The following TRAF3IP1 variants were observed in gnomAD, a reference collection of about 807,000 sequenced individuals.
TRAF3IP1 encodes the protein intraflagellar transport 54, also known as TRAF3-interacting protein 1.
Under a neutral mutation model 89.9 loss-of-function variants are expected in TRAF3IP1, and 53 were observed. The observed-to-expected ratio is 0.59, with a 90% CI of 0.47 to 0.74. The LOEUF (loss-of-function observed/expected upper bound fraction) is 0.74, where lower values mean the gene tolerates loss of function less well. Ranked by LOEUF, TRAF3IP1 falls within the 30% of genes least tolerant of loss-of-function variation. The pLI, the probability that TRAF3IP1 is intolerant of heterozygous loss-of-function variation, is 0.00. For synonymous variants in TRAF3IP1, 311 were observed against 322.1 expected, an observed-to-expected ratio of 0.97 and a Z score of 0.37; for missense variants, 806 against 866.1, an observed-to-expected ratio of 0.93 and a Z score of 0.87.
intron 15 of TRAF3IP1, among the ~76,000 whole-genome samples, chr2:238,387,606 A>G (rs188154440): frequency 5.4e-4 from 82 of 152,302 alleles, no homozygotes; most frequent in Non-Finnish European, 3.8e-4. Context: ...GCTCATCTCT[A>G]TTGGGACATA....
intron 15 of TRAF3IP1, among the ~76,000 whole-genome samples, chr2:238,369,416 A>G (rs1449670180): frequency 6.6e-6 from 1 of 152,202 alleles, no homozygotes. Context: ...TTTTTGTTGC[A>G]GAAGCATCCA....
intron 15 of TRAF3IP1, among the ~76,000 whole-genome samples, chr2:238,390,712 T>TAC (rs1700959457): frequency 6.6e-6 from 1 of 152,220 alleles, no homozygotes; most frequent in Non-Finnish European, 1.5e-5. Context: ...CTGCTTACTT[T>TAC]ATATTATCCC....
At chr2:238,347,418 A>G (rs771442870) in intron 9 of TRAF3IP1, 37 bp from the exon 10 acceptor site, 27 of 1,613,166 alleles carry the variant, frequency 1.7e-5, no homozygotes, top group South Asian at 5.5e-5. Context: ...GAGGTTGACT[A>G]CACGAAAGCT....
intron 15 of TRAF3IP1, among the ~76,000 whole-genome samples, chr2:238,362,549 A>C (rs1383857277): frequency 6.6e-6 from 1 of 152,214 alleles, no homozygotes; most frequent in Non-Finnish European, 1.5e-5. Flanking sequence ...GCTTCCAGCC[A>C]GCAAGAGGGA....
At position 238,329,423 on chromosome 2, in the gene TRAF3IP1, A is replaced by G. The variant is rs1559356483; in HGVS notation, c.915+81A>G. 5.6e-6 allele frequency: 7 copies of G among 1,240,734 alleles called. No homozygotes were observed. In the East Asian group the frequency reaches 1.1e-4, roughly 20 times the overall value. 76.9% of individuals were successfully genotyped at this position (1,240,734 alleles called of 1,614,324 possible). On this transcript the variant is annotated intron_variant, in intron 5 of 16. Coordinates refer to ENST00000373327, the MANE Select transcript of TRAF3IP1 (RefSeq NM_015650.4). ...AAACATGATTTTTACCTTTCTTACAATATGACTAGGAAACTGGTTTTCTTT... is the reference window on the plus strand; with the variant it reads ...AAACATGATTTTTACCTTTCTTACAGTATGACTAGGAAACTGGTTTTCTTT...
intron 15 of TRAF3IP1, among the ~76,000 whole-genome samples, chr2:238,358,034 C>G (rs1243736789): frequency 6.6e-6 from 1 of 151,834 alleles, no homozygotes; most frequent in Non-Finnish European, 1.5e-5. Flanking sequence ...CAGCAAGTGT[C>G]TGTATGATTT....
intron 15 of TRAF3IP1, among the ~76,000 whole-genome samples, chr2:238,387,593 C>T (rs1394958923): frequency 6.6e-6 from 1 of 152,178 alleles, no homozygotes; most frequent in Non-Finnish European, 1.5e-5. Flanking sequence ...CCGACAGTCA[C>T]GTGCTCATCT....
Position 238,346,464 on chromosome 2 carries a change from G to T in TRAF3IP1, c.1262-991G>T, listed in dbSNP as rs148817150. 3.5e-3 allele frequency among the ~76,000 whole-genome samples: 539 copies of T among 152,188 alleles called. 4 individuals carry two copies. The highest frequency in any genetic ancestry group is 0.013 in the African/African-American group (524 of 41,526). On this transcript the variant is annotated intron_variant, in intron 9 of 16. Coordinates refer to ENST00000373327, the MANE Select transcript of TRAF3IP1 (RefSeq NM_015650.4). ...CTAATAGAGTCCTCTAGAGCCTCCC[G>T]GTTCCCCTTGATCCACAAGCTTGGC... is the stretch of plus-strand genomic sequence containing the variant.
At position 238,341,785 on chromosome 2, in the gene TRAF3IP1, C is replaced by T. The variant is rs191666860; in HGVS notation, c.1160-2712C>T. Among the ~76,000 whole-genome samples the T allele has an allele frequency of 2.0e-5, 3 of 152,180 alleles. No individual in the cohort carries two copies. The East Asian group carries it at 5.8e-4, about 29-fold the overall frequency. On this transcript the variant is annotated intron_variant, in intron 8 of 16. Coordinates refer to ENST00000373327, the MANE Select transcript of TRAF3IP1 (RefSeq NM_015650.4). Reference sequence around the variant, plus strand: ...TGTGAGGCGGGGCAAACTGGGCAAACTGCGGCTCAGGAAGGCTGAGGGACC... The same window carrying T: ...TGTGAGGCGGGGCAAACTGGGCAAATTGCGGCTCAGGAAGGCTGAGGGACC...
chr2:238,357,517 A>G (rs1157961605), intron 15 of TRAF3IP1, among the ~76,000 whole-genome samples: 2 of 152,216 alleles, frequency 1.3e-5, no homozygotes, highest in African/African-American at 2.4e-5. Flanking sequence ...GAAATAGCCA[A>G]TGAGAACTGT....
At chr2:238,358,592 C>G (rs1281958648) in intron 15 of TRAF3IP1, among the ~76,000 whole-genome samples, 2 of 152,176 alleles carry the variant, frequency 1.3e-5, no homozygotes, top group Admixed American at 1.3e-4. Flanking sequence ...TCCTGTTCCC[C>G]CGAGGGCAGT....
At chr2:238,372,672 G>T (rs924449953) in intron 15 of TRAF3IP1, among the ~76,000 whole-genome samples, 1 of 152,164 alleles carries the variant, frequency 6.6e-6, no homozygotes, top group South Asian at 2.1e-4. Flanking sequence ...GGGTCAAATG[G>T]TAATTCTAGT....
chr2:238,350,228 A>G (rs1212122812), intron 12 of TRAF3IP1, among the ~76,000 whole-genome samples: 3 of 152,126 alleles, frequency 2.0e-5, no homozygotes, highest in Admixed American at 2.0e-4. Flanking sequence ...AAGACTAGAA[A>G]GTGGGAAAGG....
chr2:238,397,513 G>A lies in TRAF3IP1; in HGVS notation c.1744G>A (p.Glu582Lys). Residue 582 changes from glutamate to lysine, a missense_variant, in exon 16 of 17, where the codon GAG becomes AAG. Physicochemically the swap from Glu to Lys is moderately conservative, Grantham distance 56. Coordinates refer to ENST00000373327, the MANE Select transcript of TRAF3IP1 (RefSeq NM_015650.4). Reference protein sequence around the residue: ...WKKEKDIVSKEIEKLRTSIQT... With the variant: ...WKKEKDIVSKKIEKLRTSIQT... ...GAAGGAGAAGGACATCGTTTCCAAGGAGATAGAGAAGCTCCGCACGTCCAT... is the reference window on the plus strand; with the variant it reads ...GAAGGAGAAGGACATCGTTTCCAAGAAGATAGAGAAGCTCCGCACGTCCAT... 1.2e-6 allele frequency: 2 copies of A among 1,613,114 alleles called. No individual in the cohort carries two copies. Among genetic ancestry groups the A allele is most frequent in the Admixed American group, 1.7e-5 (1 of 60,018 alleles).
intron 15 of TRAF3IP1, among the ~76,000 whole-genome samples, chr2:238,366,833 A>G (rs1699896405): frequency 6.6e-6 from 1 of 152,258 alleles, no homozygotes; most frequent in East Asian, 1.9e-4. Flanking sequence ...ACATTAATGG[A>G]TATATGAGGG....
intron 6 of TRAF3IP1, 104 bp from the exon 7 acceptor site, chr2:238,333,856 A>C: frequency 1.0e-6 from 1 of 961,818 alleles, no homozygotes; most frequent in South Asian, 1.6e-5. Context: ...CTATTGCTGG[A>C]TTTCATACTT....
chr2:238,369,137 C>G (rs1039461230), intron 15 of TRAF3IP1, among the ~76,000 whole-genome samples: 1 of 151,958 alleles, frequency 6.6e-6, no homozygotes, highest in Non-Finnish European at 1.5e-5. Context: ...AATAAAAGTA[C>G]TTTGTACAAG....
chr2:238,383,104 C>T (rs1265835322), intron 15 of TRAF3IP1, among the ~76,000 whole-genome samples: 1 of 152,142 alleles, frequency 6.6e-6, no homozygotes, highest in South Asian at 2.1e-4. Context: ...TGGTTTTCAC[C>T]TCTGAGGAAG....
At chr2:238,357,751 AC>A (rs1699484769) in intron 15 of TRAF3IP1, among the ~76,000 whole-genome samples, 1 of 152,078 alleles carries the variant, frequency 6.6e-6, no homozygotes, top group Non-Finnish European at 1.5e-5. Context: ...CCAGTCGAAA[AC>A]CCTGAATGTG....
Sources: allele counts gnomAD v4.1 joint callset (sites outside exome capture counted in the v4.1 genomes callset), GRCh38; gene constraint gnomAD v4.1.1; transcripts MANE v1.5; gene names NCBI Gene and HGNC (gene_info 2026-07-23, HGNC 2026-07-21).